RBFOX3: variants seen among roughly 807,000 people sequenced by gnomAD.
RBFOX3 encodes the protein RNA binding fox-1 homolog 3.
RBFOX3 carries 17 observed loss-of-function variants against 48.7 expected under a neutral mutation model. The ratio of observed to expected loss-of-function variants is 0.35; its 90% confidence interval spans 0.24 to 0.52. The LOEUF is 0.52. Ranked by LOEUF, RBFOX3 falls within the 20% of genes least tolerant of loss-of-function variation. The pLI, the probability that RBFOX3 is intolerant of heterozygous loss-of-function variation, is 0.94. For synonymous variants in RBFOX3, 212 were observed against 209.5 expected (o/e 1.01, Z -0.10); for missense variants, 382 against 497.5 (o/e 0.77, Z 2.21).
intron 3 of RBFOX3, among the ~76,000 whole-genome samples, chr17:79,267,966 C>T (rs535617162): frequency 7.9e-5 from 12 of 152,324 alleles, no homozygotes; most frequent in African/African-American, 2.4e-4. Context: ...AAATGCCTTC[C>T]ACTTTTTATA....
intron 4 of RBFOX3, among the ~76,000 whole-genome samples, chr17:79,119,437 C>G (rs1387583061): frequency 6.6e-6 from 1 of 152,182 alleles, no homozygotes; most frequent in African/African-American, 2.4e-5. Context: ...TGGGAGGACC[C>G]CAGAGAGCAG....
intron 2 of RBFOX3, among the ~76,000 whole-genome samples, chr17:79,424,422 G>C (rs1424766791): frequency 6.6e-6 from 1 of 152,144 alleles, no homozygotes; most frequent in Non-Finnish European, 1.5e-5. Context: ...GGCTGGCGGA[G>C]CCTGCCCTAA....
intron 2 of RBFOX3, among the ~76,000 whole-genome samples, chr17:79,349,469 A>C (rs2083479870): frequency 2.0e-5 from 3 of 148,842 alleles, no homozygotes; most frequent in Admixed American, 6.7e-5. Flanking sequence ...CCTTCTCCCA[A>C]CTCCTACTCA....
At position 79,546,139 on chromosome 17, in the gene RBFOX3, C is replaced by T. The variant is rs549404984; in HGVS notation, c.-319-63541G>A. On this transcript the variant is annotated intron_variant, in intron 1 of 14. Coordinates refer to ENST00000693108, the MANE Select transcript of RBFOX3 (RefSeq NM_001350451.2). Reference sequence around the variant, plus strand: ...GAAAGGTCATAGCCACAGTCTGGACCCCAGTAGTTTTCCATCTCCCTGATC... The same window carrying T: ...GAAAGGTCATAGCCACAGTCTGGACTCCAGTAGTTTTCCATCTCCCTGATC... 3.3e-5 allele frequency among the ~76,000 whole-genome samples: 5 copies of T among 152,278 alleles called. No homozygotes were observed. In the South Asian group the frequency reaches 8.3e-4, roughly 25 times the overall value.
At chr17:79,404,606 G>A (rs545593406) in intron 2 of RBFOX3, among the ~76,000 whole-genome samples, 39 of 152,222 alleles carry the variant, frequency 2.6e-4, no homozygotes, top group Middle Eastern at 3.4e-3. Context: ...CCAGCTCCAC[G>A]GACTCTCCTG....
At chr17:79,287,220 G>A (rs988176399) in intron 3 of RBFOX3, among the ~76,000 whole-genome samples, 4 of 152,164 alleles carry the variant, frequency 2.6e-5, no homozygotes, top group African/African-American at 4.8e-5. Flanking sequence ...TCGCTAAGGC[G>A]AAGGACCCCC....
At chr17:79,488,714 C>T (rs1353401437) in intron 1 of RBFOX3, among the ~76,000 whole-genome samples, 2 of 152,370 alleles carry the variant, frequency 1.3e-5, no homozygotes, top group East Asian at 3.9e-4. Flanking sequence ...ACTAGCAACC[C>T]CATCCCTGCC....
intron 3 of RBFOX3, among the ~76,000 whole-genome samples, chr17:79,258,908 C>T (rs371707026): frequency 6.6e-6 from 1 of 152,198 alleles, no homozygotes; most frequent in Non-Finnish European, 1.5e-5. Context: ...GATGCCATGT[C>T]GAAAGGCGCC....
In RBFOX3 at chr17:79,421,910, C is replaced by G. The variant is rs74000066; in HGVS notation, c.-175+60544G>C. The stretch of plus-strand genomic sequence containing the variant: ...CACGCCCCACCCCAAGCTGCCCGGT[C>G]CTCAGCAACTGGCCCCATGTTCCAC... On this transcript the variant is annotated intron_variant, in intron 2 of 14. Coordinates refer to ENST00000693108, the MANE Select transcript of RBFOX3 (RefSeq NM_001350451.2). The surrounding 1 kb of genome is among the most constrained non-coding windows in gnomAD (Gnocchi z 4.5). Among the ~76,000 whole-genome samples, 1,132 of 152,238 alleles carry G rather than the reference C, an allele frequency of 7.4e-3. 15 individuals are homozygous for G. The highest frequency in any genetic ancestry group is 0.026 in the African/African-American group (1,087 of 41,544).
At chr17:79,279,473 C>T (rs1010135135) in intron 3 of RBFOX3, among the ~76,000 whole-genome samples, 2 of 152,132 alleles carry the variant, frequency 1.3e-5, no homozygotes, top group Admixed American at 1.3e-4. Context: ...CAGCATGGCC[C>T]GGCCCGGCAC....
chr17:79,394,801 G>GC (rs2061787441), intron 2 of RBFOX3, among the ~76,000 whole-genome samples: 1 of 152,168 alleles, frequency 6.6e-6, no homozygotes, highest in South Asian at 2.1e-4. Context: ...CCACAGCTCT[G>GC]CCCCACTCCT....
chr17:79,648,983 T>C, the RBFOX3 span, among the ~76,000 whole-genome samples: 21 of 150,840 alleles, frequency 1.4e-4, no homozygotes, highest in Non-Finnish European at 2.8e-4. Flanking sequence ...AATGTCTTTT[T>C]TTTTTTTTTT....
intron 2 of RBFOX3, among the ~76,000 whole-genome samples, chr17:79,450,476 G>A (rs1379902869): frequency 6.6e-6 from 1 of 151,866 alleles, no homozygotes; most frequent in Non-Finnish European, 1.5e-5. Context: ...CCAGGAAAAC[G>A]AATCACCCCA....
chr17:79,328,909 C>T (rs1057042563), intron 2 of RBFOX3, among the ~76,000 whole-genome samples: 3 of 152,102 alleles, frequency 2.0e-5, no homozygotes, highest in Admixed American at 6.5e-5. Flanking sequence ...ACTCAGGGTC[C>T]GAGGTCCTGG....
intron 4 of RBFOX3, among the ~76,000 whole-genome samples, chr17:79,145,562 G>C (rs1489193798): frequency 1.3e-5 from 2 of 152,206 alleles, no homozygotes; most frequent in South Asian, 4.1e-4. Flanking sequence ...GGCTCTGAGA[G>C]GGGGCCCCGC....
intron 2 of RBFOX3, among the ~76,000 whole-genome samples, chr17:79,358,617 C>T (rs1447485501): frequency 3.9e-5 from 6 of 152,032 alleles, no homozygotes; most frequent in South Asian, 4.1e-4. Flanking sequence ...TGCACCATCA[C>T]GCCTGGCTAA....
intron 4 of RBFOX3, among the ~76,000 whole-genome samples, chr17:79,135,414 G>A (rs929215318): frequency 6.6e-6 from 1 of 152,190 alleles, no homozygotes; most frequent in Non-Finnish European, 1.5e-5. Flanking sequence ...CCTGCCCTGA[G>A]CCATACCCCA....
At chr17:79,320,425 G>T (rs760644557) in intron 2 of RBFOX3, among the ~76,000 whole-genome samples, 1 of 152,246 alleles carries the variant, frequency 6.6e-6, no homozygotes, top group African/African-American at 2.4e-5. Flanking sequence ...ACAGACTGGA[G>T]AATGCCCATC....
intron 4 of RBFOX3, among the ~76,000 whole-genome samples, chr17:79,124,516 ATTC>A (rs1299816147): frequency 6.6e-6 from 1 of 152,258 alleles, no homozygotes; most frequent in African/African-American, 2.4e-5. Flanking sequence ...GGAACTGACC[ATTC>A]CCAGCCAGCA....
Sources: gnomAD v4.1 joint callset for allele counts (sites outside exome capture counted in the v4.1 genomes callset) on GRCh38, gnomAD v4.1.1 for gene constraint, Gnocchi (gnomAD v3.1) non-coding constraint, MANE v1.5 for transcripts, NCBI Gene and HGNC (gene_info 2026-07-23, HGNC 2026-07-21) for gene names.